The following GAS7 variants were observed in gnomAD, a reference collection of about 807,000 sequenced individuals.
GAS7 encodes the protein growth arrest-specific protein 7.
GAS7 carries 28 observed loss-of-function variants against 71.1 expected under a neutral mutation model. The observed-to-expected ratio is 0.39, with a 90% CI of 0.29 to 0.54. The LOEUF is 0.54. Among genes scored for constraint, GAS7 ranks in the 20% least tolerant of loss-of-function variants. GAS7 has a pLI of 0.62. For missense variants in GAS7, 436 were observed against 627.8 expected, an observed-to-expected ratio of 0.69 and a Z score of 3.27; for synonymous variants, 258 against 245.8, an observed-to-expected ratio of 1.05 and a Z score of -0.46.
intron 1 of GAS7, among the ~76,000 whole-genome samples, chr17:10,159,336 C>T (rs778349962): frequency 2.5e-4 from 38 of 151,762 alleles, no homozygotes; most frequent in Non-Finnish European, 3.8e-4. Flanking sequence ...TGAGAGCTTT[C>T]GTCCACCAAA....
intron 1 of GAS7, among the ~76,000 whole-genome samples, chr17:10,171,844 T>G (rs1377235595): frequency 6.6e-6 from 1 of 152,128 alleles, no homozygotes; most frequent in African/African-American, 2.4e-5. Flanking sequence ...AAATCCTGCA[T>G]GAAAGCCCTC....
chr17:9,974,851 C>T lies in GAS7; in HGVS notation c.386-5089G>A, dbSNP rs563229898. Among the ~76,000 whole-genome samples the T allele has an allele frequency of 1.3e-5, 2 of 152,188 alleles. No homozygotes were observed. Among genetic ancestry groups the T allele is most frequent in the Non-Finnish European group, 1.5e-5 (1 of 68,044 alleles). On this transcript the variant is annotated intron_variant, in intron 3 of 13. Coordinates refer to ENST00000432992, the MANE Select transcript of GAS7 (RefSeq NM_201433.2). The surrounding 1 kb of genome is among the most constrained non-coding windows in gnomAD (Gnocchi z 4.0). ...AGCTCCGCCACCCAGGGCTCACCCCCACCCACAGCTCGGCTTCCATATCTC... is the reference window on the plus strand; with the variant it reads ...AGCTCCGCCACCCAGGGCTCACCCCTACCCACAGCTCGGCTTCCATATCTC...
intron 1 of GAS7, chr17:10,059,917 G>T (rs1013584039): frequency 3.5e-6 from 2 of 568,352 alleles, no homozygotes; most frequent in African/African-American, 4.1e-5. Flanking sequence ...TCTGCAATCG[G>T]GAAAGCATGT....
intron 1 of GAS7, chr17:10,039,869 C>T (rs1461358586): frequency 9.9e-6 from 4 of 404,036 alleles, no homozygotes; most frequent in African/African-American, 4.2e-5. Context: ...TGACAATGTG[C>T]CTTTCCCTTG....
chr17:10,083,987 CG>C (rs1302025519), intron 1 of GAS7, among the ~76,000 whole-genome samples: 1 of 152,104 alleles, frequency 6.6e-6, no homozygotes, highest in Non-Finnish European at 1.5e-5. Flanking sequence ...AAGCTGTCTT[CG>C]GCCTGGAGGT....
At chr17:10,016,751 A>AAAAAAT (rs1041791930) in intron 2 of GAS7, among the ~76,000 whole-genome samples, 6 of 139,914 alleles carry the variant, frequency 4.3e-5, no homozygotes, top group Non-Finnish European at 6.1e-5. Flanking sequence ...TCTCTACAAA[A>AAAAAAT]AATAATAATA....
At chr17:9,992,463 C>T (rs540383213) in intron 2 of GAS7, among the ~76,000 whole-genome samples, 10 of 151,932 alleles carry the variant, frequency 6.6e-5, no homozygotes, top group South Asian at 2.1e-4. Context: ...GAGGGAAGCC[C>T]GGAGGGAAAA....
intron 2 of GAS7, among the ~76,000 whole-genome samples, chr17:10,002,654 T>C (rs1242426028): frequency 1.3e-5 from 2 of 152,086 alleles, no homozygotes; most frequent in South Asian, 2.1e-4. Flanking sequence ...AGTGAGAACA[T>C]GCAGTGTTTG....
chr17:10,074,445 C>G (rs190722011), intron 1 of GAS7, among the ~76,000 whole-genome samples: 2 of 152,290 alleles, frequency 1.3e-5, no homozygotes. Flanking sequence ...GGTTTCACTT[C>G]GATCTCCTCC....
chr17:10,126,429 C>T (rs148846438), intron 1 of GAS7, among the ~76,000 whole-genome samples: 105 of 151,574 alleles, frequency 6.9e-4, no homozygotes, highest in African/African-American at 2.1e-3. Flanking sequence ...CACACAAACA[C>T]GCAGATGCAC....
At chr17:9,918,466 A>C (rs1195824118) in intron 12 of GAS7, among the ~76,000 whole-genome samples, 1 of 152,224 alleles carries the variant, frequency 6.6e-6, no homozygotes, top group African/African-American at 2.4e-5. Context: ...AGCGACACGG[A>C]ATTATGGGAG....
Position 9,969,788 on chromosome 17 carries a change from A to C in GAS7, c.386-26T>G. 1 of 1,473,580 alleles carries C rather than the reference A, an allele frequency of 6.8e-7. No individual in the cohort carries two copies. Among genetic ancestry groups the C allele is most frequent in the Non-Finnish European group, 9.5e-7 (1 of 1,051,908 alleles). The allele number at this position is 1,473,580 out of a possible 1,614,324, so 91.3% of individuals were successfully genotyped here. On this transcript the variant is annotated intron_variant, in intron 3 of 13. Transcript: ENST00000432992. The surrounding 1 kb of genome is among the most constrained non-coding windows in gnomAD (Gnocchi z 5.5). Reference sequence around the variant, plus strand: ...CTGCAGGGACAGAGACACGGCTCAGATGCTGTGTGGGCCACAGATGGGCAC... The same window carrying C: ...CTGCAGGGACAGAGACACGGCTCAGCTGCTGTGTGGGCCACAGATGGGCAC...
chr17:10,120,431 A>G (rs1215537775), intron 1 of GAS7, among the ~76,000 whole-genome samples: 1 of 152,168 alleles, frequency 6.6e-6, no homozygotes, highest in Non-Finnish European at 1.5e-5. Context: ...CAATCCTAAG[A>G]GTACGAGTAG....
In GAS7 at chr17:9,981,823, C is replaced by T. The variant is rs778842810; in HGVS notation, c.366G>A (p.Arg122=). ...PGIPASPGSH[R]SSLPPTVNGY... ...CATTACCTGTTGGAGGCAGAGAGCT[C>T]CTGTGAGAGCCAGGGCTGGCTGGAA... Residue 122 remains arginine (R), a synonymous_variant, in exon 3 of 14, where the codon AGG becomes AGA. Coordinates refer to ENST00000432992, the MANE Select transcript of GAS7 (RefSeq NM_201433.2). The surrounding 1 kb of genome is among the most constrained non-coding windows in gnomAD (Gnocchi z 4.4). 10 of 1,600,110 alleles carry T rather than the reference C, an allele frequency of 6.2e-6. No homozygotes were observed. The highest frequency in any genetic ancestry group is 8.6e-6 in the Non-Finnish European group (10 of 1,167,146).
chr17:10,093,552 C>CA (rs60319441), intron 1 of GAS7, among the ~76,000 whole-genome samples: 2,551 of 65,884 alleles, frequency 0.039, 272 homozygotes, highest in African/African-American at 0.13. Flanking sequence ...GACTCCGTCT[C>CA]AAAAAAAAAA....
intron 2 of GAS7, among the ~76,000 whole-genome samples, chr17:10,019,163 G>A (rs1442709277): frequency 6.6e-6 from 1 of 152,132 alleles, no homozygotes; most frequent in Non-Finnish European, 1.5e-5. Flanking sequence ...AATTATTGGG[G>A]TCATTGAGGT....
intron 1 of GAS7, among the ~76,000 whole-genome samples, chr17:10,177,266 A>G (rs941104068): frequency 6.6e-6 from 1 of 152,174 alleles, no homozygotes; most frequent in Non-Finnish European, 1.5e-5. Context: ...TCTAGACAGA[A>G]GCTGCAGCCG....
At chr17:10,150,586 C>CTT (rs2074157460) in intron 1 of GAS7, among the ~76,000 whole-genome samples, 1 of 48,390 alleles carries the variant, frequency 2.1e-5, no homozygotes, top group Non-Finnish European at 3.5e-5. Context: ...GAGGCTGTTA[C>CTT]ATTTCTTTTT....
At chr17:10,196,193 T>C (rs1297326825) in intron 1 of GAS7, among the ~76,000 whole-genome samples, 1 of 152,122 alleles carries the variant, frequency 6.6e-6, no homozygotes, top group Non-Finnish European at 1.5e-5. Flanking sequence ...GCCCGGGCTA[T>C]CATGTTTAAA....
Sources: allele counts gnomAD v4.1 joint callset (sites outside exome capture counted in the v4.1 genomes callset), GRCh38; gene constraint gnomAD v4.1.1; non-coding constraint Gnocchi (gnomAD v3.1); transcripts MANE v1.5; gene names NCBI Gene and HGNC (gene_info 2026-07-23, HGNC 2026-07-21).